Variants in CDC42BPA observed in about 807,000 individuals in gnomAD.
CDC42BPA encodes CDC42 binding protein kinase alpha.
Under a neutral mutation model 223.5 loss-of-function variants are expected in CDC42BPA, and 80 were observed. The observed-to-expected ratio is 0.36, with a 90% CI of 0.30 to 0.43. CDC42BPA has a LOEUF of 0.43. CDC42BPA is among the 20% of genes least tolerant of loss of function. The probability of loss-of-function intolerance (pLI) is 1.00; values close to 1 mark genes in which losing one functional copy is unlikely to be tolerated. For missense variants in CDC42BPA, 1,743 were observed against 2,099.9 expected, an observed-to-expected ratio of 0.83 and a Z score of 3.32; for synonymous variants, 694 against 718.6, an observed-to-expected ratio of 0.97 and a Z score of 0.55.
At chr1:227,293,429 T>C (rs1379463357) in intron 1 of CDC42BPA, among the ~76,000 whole-genome samples, 3 of 152,034 alleles carry the variant, frequency 2.0e-5, no homozygotes, top group African/African-American at 4.8e-5. Context: ...GAACTGGTTA[T>C]ACAATCTGTG....
intron 6 of CDC42BPA, among the ~76,000 whole-genome samples, chr1:227,154,285 T>C (rs1429836443): frequency 6.6e-6 from 1 of 151,902 alleles, no homozygotes; most frequent in East Asian, 1.9e-4. Flanking sequence ...AAGATATATA[T>C]ACCAAAAGCT....
At chr1:227,075,329 A>G (rs1040095935) in intron 17 of CDC42BPA, among the ~76,000 whole-genome samples, 20 of 152,338 alleles carry the variant, frequency 1.3e-4, no homozygotes, top group South Asian at 8.3e-4. Context: ...CGATGCATAC[A>G]GCAGACATGT....
intron 1 of CDC42BPA, among the ~76,000 whole-genome samples, chr1:227,268,991 C>T (rs1465342785): frequency 6.6e-6 from 1 of 152,064 alleles, no homozygotes; most frequent in African/African-American, 2.4e-5. Flanking sequence ...AGCCCATATT[C>T]ATATTTTTAT....
At position 227,023,914 on chromosome 1, in the gene CDC42BPA, A is replaced by G. The variant is rs1037931928; in HGVS notation, c.4531-567T>C. On this transcript the variant is annotated intron_variant, in intron 31 of 36. Transcript: ENST00000366766. ...AAAGGTAAAATGTTTGGAGGAGAAT[A>G]GAATGTATCTTATGACCTTAAGGTA... Among the ~76,000 whole-genome samples the G allele has an allele frequency of 4.1e-4, 63 of 152,230 alleles. 4 individuals carry two copies. The highest frequency in any genetic ancestry group is 1.3e-4 in the Non-Finnish European group (9 of 68,024).
At chr1:227,140,268 G>A (rs1320446216) in intron 9 of CDC42BPA, among the ~76,000 whole-genome samples, 1 of 151,824 alleles carries the variant, frequency 6.6e-6, no homozygotes, top group Non-Finnish European at 1.5e-5. Flanking sequence ...GACTGAGACA[G>A]AAATAAAGAA....
intron 35 of CDC42BPA, among the ~76,000 whole-genome samples, chr1:227,003,904 G>C (rs1663444001): frequency 6.6e-6 from 1 of 152,070 alleles, no homozygotes; most frequent in Non-Finnish European, 1.5e-5. Context: ...ACTAGGTCAT[G>C]TATGTATTTT....
chr1:227,148,264 G>A (rs1661049451), intron 6 of CDC42BPA, among the ~76,000 whole-genome samples: 1 of 151,930 alleles, frequency 6.6e-6, no homozygotes, highest in African/African-American at 2.4e-5. Context: ...AGACAAGCCT[G>A]GGCAACACAG....
At position 227,026,111 on chromosome 1, in the gene CDC42BPA, C is replaced by G. The variant is rs747951331; in HGVS notation, c.4474G>C (p.Val1492Leu). Residue 1492 changes from valine (V) to leucine (L), a missense_variant, in exon 31 of 37, where the codon GTT (valine) becomes CTT (leucine). Physicochemically the swap from Val to Leu is conservative, Grantham distance 32 (BLOSUM62 1). This residue lies in a region of CDC42BPA where 678 missense variants were observed against 777.5 expected (regional missense o/e 0.87). Transcript: ENST00000366766. ...ATGGAGTTCACATCAAAGATATCAA[C>G]TGCATTTTCACTGTACACCGAGAGA... The part of the protein sequence containing the change: ...PYLSVYSENA[V>L]DIFDVNSMEW... 2 of 1,607,576 alleles carry G rather than the reference C, an allele frequency of 1.2e-6. No homozygotes were observed. The highest frequency in any genetic ancestry group is 2.7e-5 in the African/African-American group (2 of 74,518).
intron 21 of CDC42BPA, among the ~76,000 whole-genome samples, chr1:227,052,852 C>T (rs906861904): frequency 1.3e-5 from 2 of 152,144 alleles, no homozygotes; most frequent in African/African-American, 2.4e-5. Flanking sequence ...ATGATGATAA[C>T]GTATCCCTTA....
chr1:227,126,585 C>T (rs117715806), intron 11 of CDC42BPA, among the ~76,000 whole-genome samples: 2 of 151,582 alleles, frequency 1.3e-5, no homozygotes, highest in East Asian at 3.9e-4. Flanking sequence ...TATATAGATG[C>T]AAAAATCCTT....
chr1:227,171,094 C>T (rs1211670079), intron 5 of CDC42BPA, among the ~76,000 whole-genome samples: 3 of 152,134 alleles, frequency 2.0e-5, no homozygotes, highest in African/African-American at 7.2e-5. Context: ...TCAGGTAAAA[C>T]ATTATTTTCA....
intron 2 of CDC42BPA, among the ~76,000 whole-genome samples, chr1:227,231,274 G>C (rs1221470323): frequency 3.3e-5 from 5 of 151,750 alleles, no homozygotes; most frequent in African/African-American, 1.2e-4. Context: ...CAGAATAATG[G>C]TTTCCAGCTT....
chr1:227,147,113 C>T (rs934779653), intron 7 of CDC42BPA, among the ~76,000 whole-genome samples: 4 of 152,006 alleles, frequency 2.6e-5, no homozygotes, highest in Admixed American at 2.6e-4. Flanking sequence ...TACTTACGAC[C>T]TTTGTTATTC....
intron 12 of CDC42BPA, among the ~76,000 whole-genome samples, chr1:227,117,107 C>T (rs1687888513): frequency 6.6e-6 from 1 of 152,100 alleles, no homozygotes; most frequent in African/African-American, 2.4e-5. Flanking sequence ...GGGTTTTATC[C>T]TGCCAGCTCT....
In CDC42BPA at chr1:227,280,066, G is replaced by A. The variant is rs576486226; in HGVS notation, c.179-25911C>T. ...GAGCAAGACTCCATCTCAAAAAAAA[G>A]AAAAAAAGATACAAAGTACTGTACT... On this transcript the variant is annotated intron_variant, in intron 1 of 36. Transcript: ENST00000366766. 5.9e-3 allele frequency among the ~76,000 whole-genome samples: 892 copies of A among 151,322 alleles called. 9 individuals carry two copies. The highest frequency in any genetic ancestry group is 0.02 in the African/African-American group (846 of 41,334).
intron 1 of CDC42BPA, among the ~76,000 whole-genome samples, chr1:227,257,525 G>C (rs1371082421): frequency 1.3e-5 from 2 of 150,882 alleles, no homozygotes; most frequent in African/African-American, 5.0e-5. Flanking sequence ...CAAGGCGGGT[G>C]AATCACCTGA....
intron 2 of CDC42BPA, among the ~76,000 whole-genome samples, chr1:227,236,549 C>CT (rs1679064696): frequency 2.1e-4 from 1 of 4,872 alleles, no homozygotes; most frequent in Non-Finnish European, 3.7e-4. Context: ...ATTATTAAAC[C>CT]TTTTTAAATT....
At chr1:227,078,380 C>T (rs747381844) in intron 17 of CDC42BPA, among the ~76,000 whole-genome samples, 1 of 152,098 alleles carries the variant, frequency 6.6e-6, no homozygotes, top group Non-Finnish European at 1.5e-5. Flanking sequence ...TGTTTAGTTA[C>T]AAGTTACTTA....
intron 33 of CDC42BPA, 118 bp downstream of exon 33, chr1:227,016,809 A>G (rs1666367005): frequency 2.0e-6 from 2 of 1,005,352 alleles, no homozygotes; most frequent in Non-Finnish European, 2.8e-6. Context: ...TTTTGACACC[A>G]CAGATCAATG....
Sources: gnomAD v4.1 joint callset for allele counts (sites outside exome capture counted in the v4.1 genomes callset) on GRCh38, gnomAD v4.1.1 for gene constraint, gnomAD v4.1.1 regional missense constraint, MANE v1.5 for transcripts, NCBI Gene and HGNC (gene_info 2026-07-23, HGNC 2026-07-21) for gene names.